Variants in IGF1R observed in about 807,000 individuals in gnomAD.
IGF1R encodes the protein insulin-like growth factor 1 receptor.
IGF1R carries 44 observed loss-of-function variants against 144.6 expected under a neutral mutation model. The observed-to-expected ratio is 0.30, with a 90% CI of 0.24 to 0.39. The LOEUF is 0.39. Among genes scored for constraint, IGF1R ranks in the 10% least tolerant of loss-of-function variants. IGF1R has a pLI of 1.00. For synonymous variants in IGF1R, 795 were observed against 722.8 expected (o/e 1.10, Z -1.60); for missense variants, 1,355 against 1,833.7 (o/e 0.74, Z 4.77).
intron 13 of IGF1R, among the ~76,000 whole-genome samples, chr15:98,925,855 G>C (rs2015695023): frequency 6.6e-6 from 1 of 152,102 alleles, no homozygotes; most frequent in African/African-American, 2.4e-5. Flanking sequence ...AGTGAGCCAA[G>C]ATATGTCACT....
In IGF1R at chr15:98,883,306, G is replaced by GT. The variant is rs1238217901; in HGVS notation, c.641-8012dup. Among the ~76,000 whole-genome samples, 5 of 152,250 alleles carry GT rather than the reference G, an allele frequency of 3.3e-5. No individual in the cohort carries two copies. The East Asian group carries it at 5.8e-4, about 18-fold the overall frequency. On this transcript the variant is annotated intron_variant, in intron 2 of 20. Transcript: ENST00000650285. ...AATCTCTAGGCAGTGGCTCAGTGGG[G>GT]TTTTTTTCCAACCATTCCTTAGGAT...
chr15:98,672,503 G>A (rs2052919932), intron 1 of IGF1R, among the ~76,000 whole-genome samples: 1 of 149,742 alleles, frequency 6.7e-6, no homozygotes, highest in African/African-American at 2.5e-5. Context: ...CTGGGAGGCA[G>A]AGGTTGCAGC....
intron 2 of IGF1R, among the ~76,000 whole-genome samples, chr15:98,783,777 G>T (rs1267689250): frequency 6.6e-6 from 1 of 151,874 alleles, no homozygotes. Context: ...TTTTTATTAG[G>T]TGTCACTTGC....
intron 1 of IGF1R, among the ~76,000 whole-genome samples, chr15:98,675,743 G>T (rs563066713): frequency 6.6e-6 from 1 of 150,902 alleles, no homozygotes; most frequent in South Asian, 2.1e-4. Context: ...TCCTGTTGAC[G>T]ATTTAGTTTC....
At chr15:98,810,637 C>T (rs1230169767) in intron 2 of IGF1R, among the ~76,000 whole-genome samples, 4 of 151,864 alleles carry the variant, frequency 2.6e-5, no homozygotes, top group Admixed American at 1.3e-4. Context: ...CAGGCTCCGC[C>T]TCCCGGCTTC....
intron 2 of IGF1R, among the ~76,000 whole-genome samples, chr15:98,752,695 A>AG (rs2055042593): frequency 6.6e-6 from 1 of 151,688 alleles, no homozygotes; most frequent in South Asian, 2.1e-4. Flanking sequence ...AAGAAAAAAA[A>AG]AAAGAAAGTA....
intron 2 of IGF1R, among the ~76,000 whole-genome samples, chr15:98,782,636 T>G (rs2055885990): frequency 6.6e-6 from 1 of 152,240 alleles, no homozygotes; most frequent in Admixed American, 6.5e-5. Flanking sequence ...ATGATGGACA[T>G]GATTTCTTTA....
intron 2 of IGF1R, among the ~76,000 whole-genome samples, chr15:98,870,068 C>T (rs1049264063): frequency 2.6e-5 from 4 of 152,166 alleles, no homozygotes; most frequent in Admixed American, 1.3e-4. Context: ...AGGCAGTAAA[C>T]CTAAAAGTAA....
intron 1 of IGF1R, among the ~76,000 whole-genome samples, chr15:98,674,152 T>C (rs1596168235): frequency 6.6e-6 from 1 of 151,860 alleles, no homozygotes; most frequent in East Asian, 1.9e-4. Flanking sequence ...AAAATACTAC[T>C]ATACAGGAAA....
chr15:98,848,624 A>G (rs747623566), intron 2 of IGF1R, among the ~76,000 whole-genome samples: 1 of 152,222 alleles, frequency 6.6e-6, no homozygotes, highest in Non-Finnish European at 1.5e-5. Context: ...GCCCCACACC[A>G]TTTGACTTAC....
At chr15:98,876,668 A>G (rs1054469785) in intron 2 of IGF1R, among the ~76,000 whole-genome samples, 2 of 152,310 alleles carry the variant, frequency 1.3e-5, no homozygotes, top group African/African-American at 4.8e-5. Flanking sequence ...TTACATTTGT[A>G]TGTTTTTTTC....
Position 98,935,877 on chromosome 15 carries a change from T to A in IGF1R, c.3297+451T>A, listed in dbSNP as rs1248830230. ...TGCTGTTGTTGGAGTGTGTCCCCCC[T>A]CCACCCCGTTGTGTTTAGCTTTTCA... On this transcript the variant is annotated intron_variant, in intron 17 of 20. Coordinates refer to ENST00000650285, the MANE Select transcript of IGF1R (RefSeq NM_000875.5). This position sits in a 1 kb window ranked among gnomAD's most constrained non-coding sequence, Gnocchi z 4.2. 6.6e-6 allele frequency among the ~76,000 whole-genome samples: 1 copy of A among 152,172 alleles called. No individual in the cohort carries two copies. Among genetic ancestry groups the A allele is most frequent in the Non-Finnish European group, 1.5e-5 (1 of 68,030 alleles).
At chr15:98,924,821 G>GGTGCCGGTAT in intron 13 of IGF1R, 137 bp downstream of exon 13, 1 of 829,388 alleles carries the variant, frequency 1.2e-6, no homozygotes, top group Non-Finnish European at 2.0e-6. Flanking sequence ...GTCATGCTAA[G>GGTGCCGGTAT]GTGCCGGCAC....
At chr15:98,931,486 T>G (rs1386242906) in intron 15 of IGF1R, among the ~76,000 whole-genome samples, 1 of 152,116 alleles carries the variant, frequency 6.6e-6, no homozygotes, top group Non-Finnish European at 1.5e-5. Flanking sequence ...TATAGTAAAG[T>G]CAATCAAAAG....
chr15:98,952,990 A>T (rs965560443), intron 20 of IGF1R: 3 of 152,202 alleles, frequency 2.0e-5, no homozygotes, highest in African/African-American at 7.2e-5. Context: ...TACCTGAGAA[A>T]GGAGGGTTCT....
At chr15:98,940,448 A>T (rs756317227) in intron 18 of IGF1R, among the ~76,000 whole-genome samples, 1 of 152,200 alleles carries the variant, frequency 6.6e-6, no homozygotes, top group African/African-American at 2.4e-5. Flanking sequence ...TTGTTTTCCA[A>T]GCTGGAGTGC....
chr15:98,722,009 A>G (rs1017621341), intron 2 of IGF1R, among the ~76,000 whole-genome samples: 4 of 152,156 alleles, frequency 2.6e-5, no homozygotes, highest in African/African-American at 9.7e-5. Flanking sequence ...TTTGAGTTAT[A>G]AGTCGCACCT....
chr15:98,722,016 A>G (rs963015312), intron 2 of IGF1R, among the ~76,000 whole-genome samples: 18 of 152,254 alleles, frequency 1.2e-4, no homozygotes, highest in Non-Finnish European at 2.1e-4. Flanking sequence ...TATAAGTCGC[A>G]CCTAGGTTAG....
chr15:98,920,037 A>G (rs183740480), intron 10 of IGF1R, among the ~76,000 whole-genome samples: 97 of 152,394 alleles, frequency 6.4e-4, no homozygotes, highest in Middle Eastern at 6.8e-3. Context: ...CAATATTCGC[A>G]GTAAATGCCT....
Sources: gnomAD v4.1 joint callset for allele counts (sites outside exome capture counted in the v4.1 genomes callset) on GRCh38, gnomAD v4.1.1 for gene constraint, Gnocchi (gnomAD v3.1) non-coding constraint, MANE v1.5 for transcripts, NCBI Gene and HGNC (gene_info 2026-07-23, HGNC 2026-07-21) for gene names.